Variants in LINGO2 observed in about 807,000 individuals in gnomAD.
LINGO2 encodes leucine rich repeat and Ig domain containing 2.
LINGO2 carries 14 observed loss-of-function variants against 30.6 expected under a neutral mutation model. The ratio of observed to expected loss-of-function variants is 0.46; its 90% CI spans 0.30 to 0.72. The LOEUF (loss-of-function observed/expected upper bound fraction) is 0.72. Ranked by LOEUF, LINGO2 falls within the 30% of genes least tolerant of loss-of-function variation. The pLI, the probability that LINGO2 is intolerant of heterozygous loss-of-function variation, is 0.07. For missense variants in LINGO2, 729 were observed against 751.7 expected, an observed-to-expected ratio of 0.97 and a Z score of 0.35; for synonymous variants, 317 against 288.5, an observed-to-expected ratio of 1.10 and a Z score of -1.00.
intron 4 of LINGO2, among the ~76,000 whole-genome samples, chr9:28,225,926 C>T (rs1232284145): frequency 3.3e-5 from 5 of 152,080 alleles, no homozygotes; most frequent in Non-Finnish European, 1.5e-5. Context: ...AATGGACAAT[C>T]ACCAAAATCA....
At chr9:28,729,267 A>C in the LINGO2 span, among the ~76,000 whole-genome samples, 2 of 152,192 alleles carry the variant, frequency 1.3e-5, no homozygotes, top group Non-Finnish European at 2.9e-5. Context: ...CTAACAAATA[A>C]TTCATTCAAC....
chr9:28,883,452 T>C, the LINGO2 span, among the ~76,000 whole-genome samples: 5 of 151,616 alleles, frequency 3.3e-5, no homozygotes, highest in East Asian at 1.9e-4. Context: ...TCTGTTAATC[T>C]TTAATTCGTC....
At chr9:28,745,154 C>T in the LINGO2 span, among the ~76,000 whole-genome samples, 3 of 152,066 alleles carry the variant, frequency 2.0e-5, no homozygotes, top group African/African-American at 4.8e-5. Context: ...TGGGCATCAA[C>T]ACGGTCTTCC....
chr9:28,278,015 TG>T (rs138426444), intron 4 of LINGO2, among the ~76,000 whole-genome samples: 1,833 of 152,114 alleles, frequency 0.012, 50 homozygotes, highest in African/African-American at 0.042. Context: ...ACCCAAAAAT[TG>T]TAAGAAAGCA....
intron 4 of LINGO2, among the ~76,000 whole-genome samples, chr9:28,039,966 A>G (rs1042313778): frequency 6.6e-6 from 1 of 151,964 alleles, no homozygotes; most frequent in African/African-American, 2.4e-5. Flanking sequence ...TACATTTGCC[A>G]CTCTTTGAAA....
At chr9:27,978,074 C>T (rs1394419346) in intron 5 of LINGO2, among the ~76,000 whole-genome samples, 9 of 152,008 alleles carry the variant, frequency 5.9e-5, no homozygotes. Flanking sequence ...ATAAAAAAGC[C>T]TCTCGGACCT....
At chr9:28,405,660 G>C (rs564297900) in intron 2 of LINGO2, among the ~76,000 whole-genome samples, 18 of 152,140 alleles carry the variant, frequency 1.2e-4, no homozygotes, top group Non-Finnish European at 2.2e-4. Flanking sequence ...TTATTGCTGT[G>C]CTTGTTTTAG....
At chr9:28,970,806 G>A in the LINGO2 span, among the ~76,000 whole-genome samples, 3 of 152,140 alleles carry the variant, frequency 2.0e-5, no homozygotes, top group Admixed American at 1.3e-4. Flanking sequence ...CAGTCTAGGC[G>A]ACAAGGACTG....
intron 2 of LINGO2, among the ~76,000 whole-genome samples, chr9:28,398,010 T>C (rs1209436836): frequency 6.6e-6 from 1 of 152,186 alleles, no homozygotes; most frequent in Non-Finnish European, 1.5e-5. Flanking sequence ...GCAAAAGTCA[T>C]ACATTGAGAA....
chr9:28,458,739 C>G (rs139323875), intron 2 of LINGO2, among the ~76,000 whole-genome samples: 1 of 152,064 alleles, frequency 6.6e-6, no homozygotes, highest in African/African-American at 2.4e-5. Context: ...TCTCATTCTC[C>G]CATATCCTAC....
intron 4 of LINGO2, among the ~76,000 whole-genome samples, chr9:28,117,996 TGTAA>T (rs1229819250): frequency 6.6e-6 from 1 of 151,756 alleles, no homozygotes; most frequent in Non-Finnish European, 1.5e-5. Context: ...TGGAAAACAG[TGTAA>T]GTGTCTTACT....
At chr9:28,218,218 G>C (rs963806316) in intron 4 of LINGO2, among the ~76,000 whole-genome samples, 1 of 150,142 alleles carries the variant, frequency 6.7e-6, no homozygotes, top group African/African-American at 2.4e-5. Flanking sequence ...CAATAATATA[G>C]TAATACAATA....
At chr9:27,949,731 G>T (rs1254735053) in exon 6 of LINGO2, 1 of 1,614,150 alleles carries the variant, frequency 6.2e-7, no homozygotes, top group African/African-American at 1.3e-5. Context: ...GAAGGAGTGA[G>T]GCTCAATGGT....
chr9:28,214,408 G>A (rs1460302193), intron 4 of LINGO2, among the ~76,000 whole-genome samples: 1 of 151,378 alleles, frequency 6.6e-6, no homozygotes, highest in Admixed American at 6.6e-5. Context: ...ATACACTAAA[G>A]GATTCTTCTG....
intron 4 of LINGO2, among the ~76,000 whole-genome samples, chr9:28,098,653 T>C (rs1270476740): frequency 6.6e-6 from 1 of 152,182 alleles, no homozygotes; most frequent in Non-Finnish European, 1.5e-5. Flanking sequence ...CCAAGGCACA[T>C]GTGAATTATA....
intron 1 of LINGO2, among the ~76,000 whole-genome samples, chr9:28,567,851 T>C (rs1386590670): frequency 6.6e-6 from 1 of 152,020 alleles, no homozygotes; most frequent in Non-Finnish European, 1.5e-5. Context: ...TAAATACTTC[T>C]AGATTCAAAG....
chr9:28,565,870 T>C (rs554240739), intron 1 of LINGO2, among the ~76,000 whole-genome samples: 1 of 152,260 alleles, frequency 6.6e-6, no homozygotes, highest in South Asian at 2.1e-4. Flanking sequence ...GATTATTTTC[T>C]TGCTAACTTG....
chr9:28,618,942 G>A (rs1826265163), intron 1 of LINGO2, among the ~76,000 whole-genome samples: 1 of 152,152 alleles, frequency 6.6e-6, no homozygotes, highest in South Asian at 2.1e-4. Flanking sequence ...TGGACTAGAA[G>A]ATAAATGAGG....
At chr9:28,965,607 C>A in the LINGO2 span, among the ~76,000 whole-genome samples, 1 of 152,016 alleles carries the variant, frequency 6.6e-6, no homozygotes, top group African/African-American at 2.4e-5. Context: ...CAGAGAGGGT[C>A]AATACAATAG....
Sources: allele counts gnomAD v4.1 joint callset (sites outside exome capture counted in the v4.1 genomes callset), GRCh38; gene constraint gnomAD v4.1.1; transcripts MANE v1.5; gene names NCBI Gene and HGNC (gene_info 2026-07-23, HGNC 2026-07-21).